Variants in BLNK observed in about 807,000 individuals in gnomAD.
The protein encoded by BLNK is B cell linker.
BLNK carries 29 observed loss-of-function variants against 73.5 expected under a neutral mutation model. The ratio of observed to expected loss-of-function variants is 0.39; its 90% confidence interval spans 0.29 to 0.54. The LOEUF is 0.54. BLNK is among the 20% of genes least tolerant of loss of function. The pLI, the probability that BLNK is intolerant of heterozygous loss-of-function variation, is 0.61. For synonymous variants in BLNK, 176 were observed against 200.8 expected (o/e 0.88, Z 1.04); for missense variants, 460 against 562.8 (o/e 0.82, Z 1.85).
chr10:96,214,439 G>A (rs1260044992), intron 8 of BLNK, among the ~76,000 whole-genome samples: 3 of 152,178 alleles, frequency 2.0e-5, no homozygotes, highest in African/African-American at 7.2e-5. Context: ...CCTTGTCGCT[G>A]AGGAGAGAGC....
intron 1 of BLNK, among the ~76,000 whole-genome samples, chr10:96,250,472 T>C (rs1267557175): frequency 2.0e-5 from 3 of 147,194 alleles, no homozygotes; most frequent in African/African-American, 2.5e-5. Context: ...GAGGTTGAAG[T>C]GGATTGATTG....
At chr10:96,217,388 C>T (rs2084092872) in intron 6 of BLNK, among the ~76,000 whole-genome samples, 1 of 152,214 alleles carries the variant, frequency 6.6e-6, no homozygotes, top group African/African-American at 2.4e-5. Context: ...AACTGCCAAA[C>T]TGTTTTCCAA....
At chr10:96,198,847 C>T (rs938062682) in intron 15 of BLNK, among the ~76,000 whole-genome samples, 2 of 152,114 alleles carry the variant, frequency 1.3e-5, no homozygotes, top group African/African-American at 2.4e-5. Flanking sequence ...TATAGGCGCC[C>T]GCCATCACGC....
chr10:96,253,975 C>G (rs1463416078), intron 1 of BLNK, among the ~76,000 whole-genome samples: 1 of 150,818 alleles, frequency 6.6e-6, no homozygotes, highest in South Asian at 2.1e-4. Context: ...GAGCCGAGAT[C>G]GTGCCACTGC....
intron 3 of BLNK, among the ~76,000 whole-genome samples, chr10:96,237,575 C>T (rs1295623817): frequency 6.6e-6 from 1 of 152,110 alleles, no homozygotes; most frequent in African/African-American, 2.4e-5. Flanking sequence ...TGCAGTGATC[C>T]CAGCAGACTC....
At chr10:96,255,713 G>A (rs117791247) in intron 1 of BLNK, among the ~76,000 whole-genome samples, 2,596 of 152,210 alleles carry the variant, frequency 0.017, 29 homozygotes, top group Middle Eastern at 0.031. Flanking sequence ...TCATAGGCTG[G>A]TCCTCCTCTC....
At position 96,232,817 on chromosome 10, in the gene BLNK, C is replaced by CTT. The variant is rs67469119; in HGVS notation, c.164-1985_164-1984dup. On this transcript the variant is annotated intron_variant, in intron 3 of 16. Coordinates refer to ENST00000224337, the MANE Select transcript of BLNK (RefSeq NM_013314.4). ...AGTATGTTTCTTTTTCTTTTCTAGT[C>CTT]TTTTTTTTTTTTTTTGAGACAGAGT... 8.0e-4 allele frequency among the ~76,000 whole-genome samples: 112 copies of CTT among 139,484 alleles called. 1 individual carries two copies. The East Asian group carries it at 8.7e-3, about 11-fold the overall frequency. 91.5% of individuals were successfully genotyped at this position (139,484 alleles called of 152,430 possible).
rs587613789 is a variant in BLNK, at chr10:96,212,554, C to T, written c.677-2647G>A. 1.2e-4 allele frequency among the ~76,000 whole-genome samples: 19 copies of T among 152,292 alleles called. No homozygotes were observed. The East Asian group carries it at 3.7e-3, about 29-fold the overall frequency. ...GGACCTAAACCTCTGGCTTTGGAGT[C>T]GGCTAAATCCATTCTACTGGCTTCT... is the stretch of plus-strand genomic sequence containing the variant. On this transcript the variant is annotated intron_variant, in intron 8 of 16. Coordinates refer to ENST00000224337, the MANE Select transcript of BLNK (RefSeq NM_013314.4).
intron 1 of BLNK, among the ~76,000 whole-genome samples, chr10:96,263,101 T>C (rs989863252): frequency 6.6e-6 from 1 of 152,170 alleles, no homozygotes; most frequent in Non-Finnish European, 1.5e-5. Context: ...CGAGTCCTCA[T>C]GGAACCCCCG....
chr10:96,228,935 TA>T (rs782782652), intron 4 of BLNK, among the ~76,000 whole-genome samples: 2 of 150,638 alleles, frequency 1.3e-5, no homozygotes, highest in African/African-American at 2.4e-5. Flanking sequence ...TGTTGGTCTT[TA>T]AAAAAAAAGA....
At chr10:96,215,506 T>C in intron 7 of BLNK, 117 bp from the exon 8 acceptor site, 1 of 921,924 alleles carries the variant, frequency 1.1e-6, no homozygotes. Flanking sequence ...ACCAGAGAAT[T>C]TGCAAAGAAT....
At chr10:96,243,831 A>G (rs1210495446) in intron 2 of BLNK, among the ~76,000 whole-genome samples, 1 of 152,176 alleles carries the variant, frequency 6.6e-6, no homozygotes, top group African/African-American at 2.4e-5. Flanking sequence ...ATAGTCAATT[A>G]TTTTTAATAA....
intron 6 of BLNK, among the ~76,000 whole-genome samples, chr10:96,221,520 C>T (rs2084196690): frequency 6.6e-6 from 1 of 152,168 alleles, no homozygotes; most frequent in Admixed American, 6.5e-5. Context: ...CAGAACGCCC[C>T]CGCCTTCATA....
intron 3 of BLNK, among the ~76,000 whole-genome samples, chr10:96,233,317 A>G (rs1554904428): frequency 2.6e-5 from 4 of 152,210 alleles, no homozygotes; most frequent in Non-Finnish European, 5.9e-5. Context: ...TGCATTAGCC[A>G]TCTAACTAGT....
intron 6 of BLNK, among the ~76,000 whole-genome samples, chr10:96,217,786 G>T (rs1554900185): frequency 6.6e-6 from 1 of 152,002 alleles, no homozygotes; most frequent in East Asian, 1.9e-4. Context: ...ATCATTGGTG[G>T]CACAAAACGT....
chr10:96,214,443 A>T (rs2084017844), intron 8 of BLNK, among the ~76,000 whole-genome samples: 1 of 152,160 alleles, frequency 6.6e-6, no homozygotes, highest in Non-Finnish European at 1.5e-5. Context: ...GTCGCTGAGG[A>T]GAGAGCCAAG....
intron 16 of BLNK, among the ~76,000 whole-genome samples, chr10:96,196,467 A>G (rs587658572): frequency 2.6e-5 from 4 of 152,286 alleles, no homozygotes; most frequent in Admixed American, 6.5e-5. Flanking sequence ...TACAAGGGCT[A>G]TAGTCTAATG....
At chr10:96,248,755 A>G (rs782034127) in intron 1 of BLNK, among the ~76,000 whole-genome samples, 8 of 152,252 alleles carry the variant, frequency 5.3e-5, no homozygotes, top group Non-Finnish European at 1.2e-4. Flanking sequence ...GGAACTAGTT[A>G]AATAAATTAT....
At chr10:96,192,931 T>C (rs2083365357) in intron 16 of BLNK, among the ~76,000 whole-genome samples, 1 of 152,202 alleles carries the variant, frequency 6.6e-6, no homozygotes, top group Non-Finnish European at 1.5e-5. Context: ...TTACTATCAA[T>C]TGATTTTATT....
Sources: allele counts gnomAD v4.1 joint callset (sites outside exome capture counted in the v4.1 genomes callset), GRCh38; gene constraint gnomAD v4.1.1; transcripts MANE v1.5; gene names NCBI Gene and HGNC (gene_info 2026-07-23, HGNC 2026-07-21).